Variants in ITPRID1 observed in about 807,000 individuals in gnomAD.
ITPRID1 encodes the protein protein ITPRID1.
In ITPRID1, 96 loss-of-function variants were observed where a neutral mutation model predicts 95.4. The observed-to-expected ratio is 1.01, with a 90% CI of 0.85 to 1.19. The LOEUF is 1.19. ITPRID1 is among the 50% of genes most tolerant of loss of function. The probability of loss-of-function intolerance (pLI) is 0.00; values close to 1 mark genes in which losing one functional copy is unlikely to be tolerated. For synonymous variants in ITPRID1, 510 were observed against 453.6 expected (o/e 1.12, Z -1.58); for missense variants, 1,339 against 1,252.9 (o/e 1.07, Z -1.04).
At chr7:31,649,357 G>A (rs1790758293) in intron 12 of ITPRID1, among the ~76,000 whole-genome samples, 1 of 152,116 alleles carries the variant, frequency 6.6e-6, no homozygotes, top group South Asian at 2.1e-4. Context: ...CTGTAAAGTT[G>A]GTCTCCATGG....
At position 31,574,734 on chromosome 7, in the gene ITPRID1, A is replaced by G. The variant is rs756722083; in HGVS notation, c.590A>G (p.Asn197Ser). 2.5e-6 allele frequency: 4 copies of G among 1,613,710 alleles called. No individual in the cohort carries two copies. The highest frequency in any genetic ancestry group is 2.2e-5 in the East Asian group (1 of 44,826). Reference sequence around the variant, plus strand: ...CAGCGAATGGACATTGAGAACCCCAACTTGTACGGTAAGCGAGGTGCCTGT... The same window carrying G: ...CAGCGAATGGACATTGAGAACCCCAGCTTGTACGGTAAGCGAGGTGCCTGT... Reference protein sequence around the residue: ...QKQRMDIENPNLYGRFRQLEI... With the variant: ...QKQRMDIENPSLYGRFRQLEI... The change falls in exon 8 of 15, where the codon AAC becomes AGC. Residue 197 changes from asparagine (N) to serine (S), a missense_variant. Coordinates refer to ENST00000615280, the MANE Select transcript of ITPRID1 (RefSeq NM_001257967.3).
intron 1 of ITPRID1, among the ~76,000 whole-genome samples, chr7:31,515,876 C>A (rs17398485): frequency 0.45 from 67,910 of 151,974 alleles, 15,399 homozygotes; most frequent in Middle Eastern, 0.62. Context: ...GAACAAGCAG[C>A]TCTCCAAAAT....
Position 31,549,921 on chromosome 7 carries a change from T to A in ITPRID1, c.-24+422T>A, listed in dbSNP as rs181157822. Reference sequence around the variant, plus strand: ...AATAACTCAGAGGACAAGAATGTAATCATTGTCACTGCTTTAAGTGTCAAA... The same window carrying A: ...AATAACTCAGAGGACAAGAATGTAAACATTGTCACTGCTTTAAGTGTCAAA... On this transcript the variant is annotated intron_variant, in intron 2 of 14. Coordinates refer to ENST00000615280, the MANE Select transcript of ITPRID1 (RefSeq NM_001257967.3). 1.6e-3 allele frequency among the ~76,000 whole-genome samples: 238 copies of A among 152,284 alleles called. 3 individuals carry two copies. Among genetic ancestry groups the A allele is most frequent in the African/African-American group, 5.6e-3 (233 of 41,558 alleles).
At position 31,642,702 on chromosome 7, in the gene ITPRID1, C is replaced by A; in HGVS notation, c.1332C>A (p.Ser444Arg). 1.2e-6 allele frequency: 2 copies of A among 1,613,704 alleles called. No individual in the cohort carries two copies. The highest frequency in any genetic ancestry group is 2.2e-5 in the South Asian group (2 of 91,028). The part of the protein sequence containing the change: ...LPLQMPSLPN[S>R]QSPAENGGRK... Reference sequence around the variant, plus strand: ...TACAGATGCCTTCCTTGCCAAACAGCCAGAGTCCTGCTGAGAATGGAGGTA... The same window carrying A: ...TACAGATGCCTTCCTTGCCAAACAGACAGAGTCCTGCTGAGAATGGAGGTA... Residue 444 changes from serine (S) to arginine (R), a missense_variant, in exon 12 of 15, where the codon AGC (serine) becomes AGA (arginine). By Grantham distance (110) the Ser-to-Arg change is moderately radical. Coordinates refer to ENST00000615280, the MANE Select transcript of ITPRID1 (RefSeq NM_001257967.3).
rs1259383691 is a variant in ITPRID1 at position 31,552,176 on chromosome 7, G to T, written c.-23-826G>T. ...CATGAAGGTCAAGTTAAATAATGGG[G>T]GCAGCTGATACTTTTTGTGCAAGGT... On this transcript the variant is annotated intron_variant, in intron 2 of 14. Transcript: ENST00000615280. 2.1e-5 allele frequency among the ~76,000 whole-genome samples: 3 copies of T among 142,588 alleles called. 1 individual carries two copies. Among genetic ancestry groups the T allele is most frequent in the Admixed American group, 7.1e-5 (1 of 14,100 alleles). The allele number at this position is 142,588 out of a possible 152,430, so 93.5% of individuals were successfully genotyped here. A position where few individuals can be genotyped will look rare whatever the true frequency, so the allele number is the denominator to read the frequency against.
chr7:31,575,453 A>G (rs1052435190), intron 8 of ITPRID1, among the ~76,000 whole-genome samples: 2 of 152,192 alleles, frequency 1.3e-5, no homozygotes, highest in African/African-American at 2.4e-5. Context: ...TCTCTAGGAC[A>G]TTACTAAGCA....
Position 31,622,219 on chromosome 7 carries a change from A to G in ITPRID1, c.1229-19957A>G, listed in dbSNP as rs1423377564. 1.6e-3 allele frequency among the ~76,000 whole-genome samples: 236 copies of G among 145,650 alleles called. 1 individual carries two copies. Among genetic ancestry groups the G allele is most frequent in the African/African-American group, 5.7e-3 (224 of 39,324 alleles). ...AACGAGAGAGAAAGTCAACAAGGAT[A>G]CCCAGGAATTGACCTCAGCTCTGCA... On this transcript the variant is annotated intron_variant, in intron 10 of 14. Coordinates refer to ENST00000615280, the MANE Select transcript of ITPRID1 (RefSeq NM_001257967.3).
At chr7:31,592,277 A>G (rs1785898953) in intron 10 of ITPRID1, among the ~76,000 whole-genome samples, 1 of 152,204 alleles carries the variant, frequency 6.6e-6, no homozygotes, top group African/African-American at 2.4e-5. Flanking sequence ...CAATCTAGCA[A>G]CTGCCAACTA....
intron 5 of ITPRID1, among the ~76,000 whole-genome samples, chr7:31,566,194 G>A (rs551260328): frequency 2.0e-5 from 3 of 152,150 alleles, no homozygotes; most frequent in Admixed American, 1.3e-4. Flanking sequence ...TGGATGACTC[G>A]ATTTTCTGCA....
intron 10 of ITPRID1, among the ~76,000 whole-genome samples, chr7:31,634,691 T>A (rs934114127): frequency 1.3e-5 from 2 of 152,050 alleles, no homozygotes; most frequent in Non-Finnish European, 2.9e-5. Flanking sequence ...TAAGGAGGCA[T>A]GAAAAAAATT....
At chr7:31,658,239 G>A, downstream of ITPRID1, 1 of 1,473,082 alleles carries the variant, frequency 6.8e-7, no homozygotes. Context: ...GTTGCATTAG[G>A]TTTTGTTTAT....
chr7:31,530,795 G>C (rs1297827622), intron 1 of ITPRID1, among the ~76,000 whole-genome samples: 1 of 151,298 alleles, frequency 6.6e-6, no homozygotes, highest in Non-Finnish European at 1.5e-5. Context: ...AACAAGTCCA[G>C]AGTTCATTGT....
At chr7:31,529,814 CTTTA>C in intron 1 of ITPRID1, 5 of 1,535,068 alleles carry the variant, frequency 3.3e-6, no homozygotes, top group Non-Finnish European at 4.4e-6. Flanking sequence ...GCTGAAACTC[CTTTA>C]TTCTGGTACA....
At position 31,651,997 on chromosome 7, in the gene ITPRID1, T is replaced by A; in HGVS notation, c.2770T>A (p.Leu924Met). Residue 924 changes from leucine to methionine, a missense_variant, in exon 14 of 15, where the codon TTG becomes ATG. Coordinates refer to ENST00000615280, the MANE Select transcript of ITPRID1 (RefSeq NM_001257967.3). ...REALRQQVAE[L>M]EFQLGDRAQQ... ...GGCCCTGAGGCAGCAGGTGGCAGAG[T>A]TGGAATTTCAGTTAGGAGACCGGGC... The A allele has an allele frequency of 6.2e-7, 1 of 1,606,186 alleles. No homozygotes were observed.
At chr7:31,618,624 C>CA (rs780764560) in intron 10 of ITPRID1, among the ~76,000 whole-genome samples, 66 of 152,276 alleles carry the variant, frequency 4.3e-4, no homozygotes, top group Non-Finnish European at 5.1e-4. Context: ...ATAAACTCCC[C>CA]TCCATTAATG....
chr7:31,519,612 CTCTCTCTCTATATATA>C (rs1441689536), intron 1 of ITPRID1, among the ~76,000 whole-genome samples: 5 of 46,874 alleles, frequency 1.1e-4, no homozygotes, highest in South Asian at 1.1e-3. Context: ...CTCTCTCTCT[CTCTCTCTCTATATATA>C]TATATATATA....
At chr7:31,646,295 G>A (rs27327) in intron 12 of ITPRID1, among the ~76,000 whole-genome samples, 30,523 of 152,038 alleles carry the variant, frequency 0.2, 3,158 homozygotes, top group Non-Finnish European at 0.2. Flanking sequence ...TAATGTAAAA[G>A]GTTTGAGAGT....
At chr7:31,516,297 T>A (rs571853168) in intron 1 of ITPRID1, among the ~76,000 whole-genome samples, 1 of 152,318 alleles carries the variant, frequency 6.6e-6, no homozygotes, top group South Asian at 2.1e-4. Context: ...TGTATGTGTG[T>A]ACTATTGGTT....
At chr7:31,519,616 C>CTATATATATA (rs1340353008) in intron 1 of ITPRID1, among the ~76,000 whole-genome samples, 22 of 38,450 alleles carry the variant, frequency 5.7e-4, no homozygotes, top group African/African-American at 9.8e-4. Context: ...CTCTCTCTCT[C>CTATATATATA]TCTCTATATA....
Sources: allele counts gnomAD v4.1 joint callset (sites outside exome capture counted in the v4.1 genomes callset), GRCh38; gene constraint gnomAD v4.1.1; transcripts MANE v1.5; gene names NCBI Gene and HGNC (gene_info 2026-07-23, HGNC 2026-07-21).